ANK3: variants seen among roughly 807,000 people sequenced by gnomAD.
ANK3 encodes the protein ankyrin-3.
In ANK3, 57 loss-of-function variants were observed where a neutral mutation model predicts 370.9. The observed-to-expected ratio is 0.15, with a 90% CI of 0.12 to 0.19. ANK3 has a LOEUF of 0.19. ANK3 is among the 10% of genes least tolerant of loss of function. ANK3 has a pLI of 1.00. For synonymous variants in ANK3, 1,929 were observed against 1,946.3 expected (o/e 0.99, Z 0.23); for missense variants, 4,439 against 5,302.1 (o/e 0.84, Z 5.06).
At chr10:60,351,750 A>C (rs965218381) in intron 1 of ANK3, among the ~76,000 whole-genome samples, 1 of 152,180 alleles carries the variant, frequency 6.6e-6, no homozygotes, top group African/African-American at 2.4e-5. Context: ...GGGCAGCCAC[A>C]GATGGGCAGA....
At chr10:60,038,051 C>G (rs568784756) in intron 43 of ANK3, among the ~76,000 whole-genome samples, 13 of 152,294 alleles carry the variant, frequency 8.5e-5, no homozygotes, top group Admixed American at 5.2e-4. Context: ...AACAGTGATG[C>G]TGAACTTTTA....
Position 60,576,268 on chromosome 10 carries a change from C to T in ANK3, c.96+38918G>A, listed in dbSNP as rs116052888. Among the ~76,000 whole-genome samples the T allele has an allele frequency of 8.1e-3, 1,231 of 152,270 alleles. 18 individuals carry two copies. The highest frequency in any genetic ancestry group is 0.028 in the African/African-American group (1,148 of 41,568). The stretch of plus-strand genomic sequence containing the variant: ...AGTTCACTCCCGATAGAAGTCATCA[C>T]AAACTAGTTGATACAGATCTGAGAC... On this transcript the variant is annotated intron_variant, in intron 2 of 43. Coordinates refer to the ANK3 transcript ENST00000373827.
intron 2 of ANK3, among the ~76,000 whole-genome samples, chr10:60,587,472 A>C (rs1452402197): frequency 6.6e-6 from 1 of 152,136 alleles, no homozygotes; most frequent in East Asian, 1.9e-4. Context: ...CCTTGTAGAA[A>C]TGGCTGATTC....
rs576391046 is a variant in ANK3 at position 60,719,427 on chromosome 10, C to T, written c.57+13836G>A. Among the ~76,000 whole-genome samples the T allele has an allele frequency of 9.2e-5, 14 of 152,092 alleles. No individual in the cohort carries two copies. In the South Asian group the frequency reaches 2.5e-3, roughly 27 times the overall value. On this transcript the variant is annotated intron_variant, in intron 1 of 43. Coordinates refer to the ANK3 transcript ENST00000373827. ...TTTATTTTAAGAGATTAACCATTTG[C>T]CTAAGCTTTCCACCAAAAAAGTTGT...
At chr10:60,037,131 C>G (rs2075182242) in intron 43 of ANK3, among the ~76,000 whole-genome samples, 1 of 152,168 alleles carries the variant, frequency 6.6e-6, no homozygotes. Flanking sequence ...CAAGTGCTGT[C>G]AATCTTCCCA....
At chr10:60,546,325 G>A (rs950226863) in intron 2 of ANK3, among the ~76,000 whole-genome samples, 1 of 152,090 alleles carries the variant, frequency 6.6e-6, no homozygotes, top group Non-Finnish European at 1.5e-5. Context: ...CGTGAGCCAT[G>A]GTGCCAAGTC....
At chr10:60,664,853 C>T (rs774150475) in intron 1 of ANK3, among the ~76,000 whole-genome samples, 6 of 152,024 alleles carry the variant, frequency 3.9e-5, no homozygotes, top group Admixed American at 6.6e-5. Flanking sequence ...TGCTAAATGT[C>T]GATTAAGAAG....
At chr10:60,221,399 A>T (rs563130632) in intron 8 of ANK3, among the ~76,000 whole-genome samples, 4 of 152,250 alleles carry the variant, frequency 2.6e-5, no homozygotes, top group South Asian at 4.1e-4. Context: ...TCTTTTCAAA[A>T]GAAGTTTTAA....
At chr10:60,123,113 A>G (rs1325548958) in intron 25 of ANK3, among the ~76,000 whole-genome samples, 2 of 152,190 alleles carry the variant, frequency 1.3e-5, no homozygotes, top group Non-Finnish European at 2.9e-5. Flanking sequence ...TTCAAAAACT[A>G]GGCAATACGA....
chr10:60,617,409 A>G (rs1467972919), intron 1 of ANK3, among the ~76,000 whole-genome samples: 2 of 152,136 alleles, frequency 1.3e-5, no homozygotes, highest in African/African-American at 4.8e-5. Flanking sequence ...CCCCAGCACC[A>G]CTGGTGAAAT....
At chr10:60,278,740 A>G (rs776147417) in intron 4 of ANK3, 34 bp downstream of exon 4, 3 of 1,545,816 alleles carry the variant, frequency 1.9e-6, no homozygotes, top group Admixed American at 3.3e-5. Flanking sequence ...GTAAATGATA[A>G]CAAAATGTCT....
chr10:60,630,603 TG>T (rs1218877584), intron 1 of ANK3, among the ~76,000 whole-genome samples: 1 of 152,142 alleles, frequency 6.6e-6, no homozygotes. Flanking sequence ...GTCAGTGATC[TG>T]GGAGGAAGGA....
In ANK3 at chr10:60,028,138, C is replaced by T. The variant is rs901391842; in HGVS notation, c.*1708G>A. ...TTTGACATGCTGGCTATAGTATCTC[C>T]AATTCTTCACTTTTCAAGAAGGCCT... On this transcript the variant is annotated 3_prime_UTR_variant, in exon 44 of 44. Coordinates refer to ENST00000280772, the MANE Select transcript of ANK3 (RefSeq NM_020987.5). The T allele has an allele frequency of 6.6e-6, 1 of 152,202 alleles. No individual in the cohort carries two copies. The highest frequency in any genetic ancestry group is 6.5e-5 in the Admixed American group (1 of 15,278). The allele number at this position is 152,202 out of a possible 1,614,324, so 9.4% of individuals were successfully genotyped here.
Position 60,250,641 on chromosome 10 carries a change from G to A in ANK3, c.798+11218C>T, listed in dbSNP as rs187183460. Among the ~76,000 whole-genome samples, 377 of 152,120 alleles carry A rather than the reference G, an allele frequency of 2.5e-3. 2 individuals carry two copies. The highest frequency in any genetic ancestry group is 6.4e-3 in the South Asian group (31 of 4,808). ...TGGCCTCCCAAAGTTCTGGGATTAC[G>A]GGCATGAGCCACCGCACCCGGCCTG... On this transcript the variant is annotated intron_variant, in intron 7 of 43. Coordinates refer to ENST00000280772, the MANE Select transcript of ANK3 (RefSeq NM_020987.5).
rs1276300973 is a variant in ANK3, at chr10:60,196,510, G to A, written c.1788+17C>T. On this transcript the variant is annotated intron_variant, in intron 15 of 43. Coordinates refer to ENST00000280772, the MANE Select transcript of ANK3 (RefSeq NM_020987.5). Reference sequence around the variant, plus strand: ...TCGTGGAAGTGGCCTGCTTCAGGGTGGCTGGTGACCTCTTACCTTCCCAGC... The same window carrying A: ...TCGTGGAAGTGGCCTGCTTCAGGGTAGCTGGTGACCTCTTACCTTCCCAGC... 3 of 1,551,438 alleles carry A rather than the reference G, an allele frequency of 1.9e-6. No homozygotes were observed. Among genetic ancestry groups the A allele is most frequent in the Non-Finnish European group, 1.8e-6 (2 of 1,128,972 alleles).
chr10:60,383,820 C>CA (rs1473474611), intron 1 of ANK3, among the ~76,000 whole-genome samples: 1 of 152,130 alleles, frequency 6.6e-6, no homozygotes, highest in Non-Finnish European at 1.5e-5. Context: ...CTTAGGGTGT[C>CA]AGAGATACCC....
At chr10:60,456,654 C>T (rs895598415) in intron 2 of ANK3, among the ~76,000 whole-genome samples, 2 of 152,026 alleles carry the variant, frequency 1.3e-5, no homozygotes, top group Non-Finnish European at 2.9e-5. Flanking sequence ...TAGGATGGTC[C>T]CATAGCAGGC....
At chr10:60,647,372 A>G (rs1161107608) in intron 1 of ANK3, among the ~76,000 whole-genome samples, 2 of 152,214 alleles carry the variant, frequency 1.3e-5, no homozygotes, top group Non-Finnish European at 2.9e-5. Context: ...CAATGTCCTC[A>G]GCAAAGTTTT....
chr10:60,085,772 C>A (rs937800878), intron 30 of ANK3, among the ~76,000 whole-genome samples: 2 of 152,058 alleles, frequency 1.3e-5, no homozygotes. Flanking sequence ...CCTGCGACCA[C>A]GCCCAGCTAA....
Sources: allele counts gnomAD v4.1 joint callset (sites outside exome capture counted in the v4.1 genomes callset), GRCh38; gene constraint gnomAD v4.1.1; transcripts MANE v1.5; gene names NCBI Gene and HGNC (gene_info 2026-07-23, HGNC 2026-07-21).